The following PDHX variants were observed in gnomAD, a reference collection of about 807,000 sequenced individuals.
PDHX encodes the protein pyruvate dehydrogenase complex component X, also known as pyruvate dehydrogenase protein X component, mitochondrial.
In PDHX, 33 loss-of-function variants were observed where a neutral mutation model predicts 55.3. The observed-to-expected ratio is 0.60, with a 90% CI of 0.45 to 0.80. PDHX has a LOEUF of 0.80. PDHX is among the 30% of genes least tolerant of loss of function. The pLI is 0.00. For synonymous variants in PDHX, 226 were observed against 219.4 expected, an observed-to-expected ratio of 1.03 and a Z score of -0.27; for missense variants, 622 against 619.9, an observed-to-expected ratio of 1.00 and a Z score of -0.04.
At chr11:34,962,281 G>A (rs965903231) in intron 5 of PDHX, among the ~76,000 whole-genome samples, 10 of 152,182 alleles carry the variant, frequency 6.6e-5, no homozygotes, top group South Asian at 4.1e-4. Flanking sequence ...ACTTGAATGT[G>A]GTTAGAAGAA....
chr11:34,963,542 A>G (rs576300562), intron 5 of PDHX, among the ~76,000 whole-genome samples: 140 of 152,138 alleles, frequency 9.2e-4, no homozygotes, highest in Non-Finnish European at 1.6e-3. Context: ...AGCCTCTCGA[A>G]GTGCTGGGAA....
intron 8 of PDHX, among the ~76,000 whole-genome samples, chr11:34,978,834 G>C (rs939705318): frequency 6.6e-6 from 1 of 152,140 alleles, no homozygotes; most frequent in African/African-American, 2.4e-5. Flanking sequence ...TGTTGGACAT[G>C]GTGAGGACTA....
chr11:34,966,857 T>TC (rs756858023), intron 6 of PDHX, 43 bp downstream of exon 6: 113 of 1,567,246 alleles, frequency 7.2e-5, no homozygotes, highest in Non-Finnish European at 1.8e-6. Context: ...TTCTTGTTTT[T>TC]CTTTTTTTTT....
At chr11:34,989,774 G>A (rs540205720) in intron 9 of PDHX, among the ~76,000 whole-genome samples, 2 of 152,084 alleles carry the variant, frequency 1.3e-5, no homozygotes, top group East Asian at 1.9e-4. Flanking sequence ...GTCTTCATAT[G>A]GTTTATTAGT....
chr11:34,935,551 T>G (rs1854288663), intron 2 of PDHX, among the ~76,000 whole-genome samples: 1 of 152,198 alleles, frequency 6.6e-6, no homozygotes, highest in Admixed American at 6.5e-5. Flanking sequence ...CTCCAGGTAT[T>G]GGCCACTGGA....
In PDHX at chr11:34,975,721, T is replaced by C. The variant is rs150373825; in HGVS notation, c.965-2403T>C. 5.9e-4 allele frequency among the ~76,000 whole-genome samples: 90 copies of C among 152,324 alleles called. 1 individual carries two copies. The highest frequency in any genetic ancestry group is 2.0e-3 in the African/African-American group (85 of 41,572). ...CTCCTCTGAGTGGATTATCACTCTT[T>C]GGCATTCAGTTCACCTGTTTGCTTT... is the stretch of plus-strand genomic sequence containing the variant. On this transcript the variant is annotated intron_variant, in intron 7 of 10. Transcript: ENST00000227868.
intron 2 of PDHX, among the ~76,000 whole-genome samples, chr11:34,946,607 C>T (rs1373259372): frequency 2.6e-5 from 4 of 152,144 alleles, no homozygotes; most frequent in Admixed American, 1.3e-4. Context: ...CAGATACAGC[C>T]CCGGAGCCAG....
rs375475731 is a variant in PDHX at position 34,921,571 on chromosome 11, C to T, written c.160+4756C>T. 2.8e-3 allele frequency among the ~76,000 whole-genome samples: 426 copies of T among 152,260 alleles called. 2 individuals are homozygous for T. The highest frequency in any genetic ancestry group is 0.024 in the Middle Eastern group (7 of 294). On this transcript the variant is annotated intron_variant, in intron 1 of 10. Coordinates refer to ENST00000227868, the MANE Select transcript of PDHX (RefSeq NM_003477.3). ...TGATTGACATTTCTGTTGCTATGAC[C>T]ATCTGACTAAAATAGGCCAGTAATG...
chr11:34,936,046 G>A (rs1305479778), intron 2 of PDHX, among the ~76,000 whole-genome samples: 1 of 152,172 alleles, frequency 6.6e-6, no homozygotes, highest in East Asian at 1.9e-4. Context: ...CATCACTTTT[G>A]CCACTAATGA....
chr11:34,989,405 C>A (rs1046845394), intron 9 of PDHX, among the ~76,000 whole-genome samples: 2 of 152,234 alleles, frequency 1.3e-5, no homozygotes, highest in East Asian at 1.9e-4. Flanking sequence ...AAAGAAGAGA[C>A]CTGAGTCAAA....
chr11:34,959,413 A>T (rs1378868136), intron 4 of PDHX, among the ~76,000 whole-genome samples: 1 of 152,052 alleles, frequency 6.6e-6, no homozygotes, highest in Admixed American at 6.6e-5. Flanking sequence ...AAACAAACAA[A>T]CAAACAAAAA....
intron 9 of PDHX, among the ~76,000 whole-genome samples, chr11:34,992,013 T>C (rs1371650946): frequency 6.6e-6 from 1 of 152,068 alleles, no homozygotes; most frequent in African/African-American, 2.4e-5. Context: ...AAAATTTCAT[T>C]TTGCATATAG....
chr11:34,922,357 T>C (rs1241814673), intron 1 of PDHX, among the ~76,000 whole-genome samples: 1 of 152,226 alleles, frequency 6.6e-6, no homozygotes, highest in African/African-American at 2.4e-5. Flanking sequence ...GAGAGCTTAC[T>C]ATATACTATG....
At chr11:34,970,571 G>A (rs1352743343) in intron 7 of PDHX, among the ~76,000 whole-genome samples, 9 of 152,078 alleles carry the variant, frequency 5.9e-5, no homozygotes, top group Non-Finnish European at 1.0e-4. Context: ...TGTCATATTT[G>A]AATAATGTAC....
chr11:34,993,482 A>C (rs1444407925), intron 10 of PDHX, among the ~76,000 whole-genome samples: 1 of 152,154 alleles, frequency 6.6e-6, no homozygotes, highest in Non-Finnish European at 1.5e-5. Context: ...ATATAATGTG[A>C]AGTTTCAAGT....
intron 9 of PDHX, among the ~76,000 whole-genome samples, chr11:34,988,782 T>C (rs1011519): frequency 0.65 from 98,295 of 152,090 alleles, 32,219 homozygotes; most frequent in East Asian, 0.75. Flanking sequence ...TTTCACTTTG[T>C]GTGGTTTCAG....
intron 1 of PDHX, 60 bp from the exon 2 acceptor site, chr11:34,931,344 T>C (rs1303420461): frequency 8.0e-6 from 7 of 879,188 alleles, no homozygotes; most frequent in Non-Finnish European, 1.3e-5. Flanking sequence ...TGAACTTATA[T>C]TGATGCCTCA....
chr11:34,939,718 A>G (rs976603631), intron 2 of PDHX, among the ~76,000 whole-genome samples: 4 of 152,192 alleles, frequency 2.6e-5, no homozygotes, highest in Non-Finnish European at 5.9e-5. Context: ...TAACTGAAAT[A>G]TGCAGTATTA....
intron 8 of PDHX, among the ~76,000 whole-genome samples, chr11:34,982,164 G>A (rs1360609823): frequency 6.6e-6 from 1 of 152,130 alleles, no homozygotes; most frequent in Non-Finnish European, 1.5e-5. Flanking sequence ...AATCCATCTT[G>A]AATTAATTTT....
Sources: allele counts gnomAD v4.1 joint callset (sites outside exome capture counted in the v4.1 genomes callset), GRCh38; gene constraint gnomAD v4.1.1; transcripts MANE v1.5; gene names NCBI Gene and HGNC (gene_info 2026-07-23, HGNC 2026-07-21).